ZCWPW2: variants seen among roughly 807,000 people sequenced by gnomAD.
The protein encoded by ZCWPW2 is zinc finger CW-type PWWP domain protein 2.
In ZCWPW2, 45 loss-of-function variants were observed where a neutral mutation model predicts 46.6. The ratio of observed to expected loss-of-function variants is 0.96; its 90% CI spans 0.76 to 1.24. ZCWPW2 has a LOEUF of 1.24. Ranked by LOEUF, ZCWPW2 falls within the 50% of genes most tolerant of loss-of-function variation. The pLI is 0.00. For missense variants in ZCWPW2, 429 were observed against 403.9 expected, an observed-to-expected ratio of 1.06 and a Z score of -0.53; for synonymous variants, 152 against 137.1, an observed-to-expected ratio of 1.11 and a Z score of -0.76.
At chr3:28,397,850 C>G (rs1431117693) in intron 2 of ZCWPW2, among the ~76,000 whole-genome samples, 4 of 152,130 alleles carry the variant, frequency 2.6e-5, no homozygotes, top group African/African-American at 9.7e-5. Context: ...TTTATTAGGA[C>G]TCTACAGGCC....
intron 9 of ZCWPW2, 146 bp from the exon 10 acceptor site, chr3:28,524,381 A>G: frequency 1.4e-6 from 1 of 725,192 alleles, no homozygotes. Flanking sequence ...CCTGCATTAT[A>G]CTATATATAG....
At chr3:28,471,882 G>C (rs1699051349) in intron 4 of ZCWPW2, among the ~76,000 whole-genome samples, 1 of 152,120 alleles carries the variant, frequency 6.6e-6, no homozygotes, top group Non-Finnish European at 1.5e-5. Context: ...CAGGAAAGTT[G>C]TAGGATACTA....
At chr3:28,474,818 TGTTG>T in intron 4 of ZCWPW2, among the ~76,000 whole-genome samples, 1 of 150,824 alleles carries the variant, frequency 6.6e-6, no homozygotes, top group Admixed American at 6.6e-5. Flanking sequence ...TTGTTGTTGT[TGTTG>T]TTGTTGTTGT....
intron 2 of ZCWPW2, among the ~76,000 whole-genome samples, chr3:28,396,671 A>C (rs934407050): frequency 3.9e-5 from 6 of 152,240 alleles, no homozygotes; most frequent in Non-Finnish European, 8.8e-5. Flanking sequence ...AAAAATGGAT[A>C]TATATCTTCC....
intron 8 of ZCWPW2, among the ~76,000 whole-genome samples, chr3:28,519,363 T>C (rs1700659539): frequency 6.6e-6 from 1 of 152,202 alleles, no homozygotes; most frequent in South Asian, 2.1e-4. Flanking sequence ...CAGTAAATAT[T>C]TGTTGATTGA....
intron 4 of ZCWPW2, among the ~76,000 whole-genome samples, chr3:28,441,663 CA>C (rs919600981): frequency 6.6e-6 from 1 of 152,116 alleles, no homozygotes; most frequent in African/African-American, 2.4e-5. Context: ...GCCACTTCCC[CA>C]TGTACCTTAC....
chr3:28,361,028 T>G (rs2125693405), intron 1 of ZCWPW2, among the ~76,000 whole-genome samples: 1 of 152,320 alleles, frequency 6.6e-6, no homozygotes, highest in South Asian at 2.1e-4. Context: ...CATAAATAAA[T>G]TTTGTGTTTA....
chr3:28,421,526 C>A (rs745660108), intron 3 of ZCWPW2, among the ~76,000 whole-genome samples: 31 of 152,048 alleles, frequency 2.0e-4, no homozygotes, highest in Non-Finnish European at 2.2e-4. Context: ...CTCCCCCTAT[C>A]CTGGTCCTTT....
chr3:28,487,397 G>A (rs766340100), intron 5 of ZCWPW2, among the ~76,000 whole-genome samples: 7 of 152,022 alleles, frequency 4.6e-5, no homozygotes, highest in Non-Finnish European at 8.8e-5. Context: ...CTACTGATGA[G>A]CGCATAAAAC....
chr3:28,448,556 G>T (rs956037184), intron 4 of ZCWPW2, among the ~76,000 whole-genome samples: 1 of 151,838 alleles, frequency 6.6e-6, no homozygotes, highest in African/African-American at 2.4e-5. Context: ...AGGCTGAGGA[G>T]GATGTAACAC....
intron 5 of ZCWPW2, among the ~76,000 whole-genome samples, chr3:28,491,179 T>C (rs1287896294): frequency 6.6e-6 from 1 of 152,088 alleles, no homozygotes; most frequent in Non-Finnish European, 1.5e-5. Context: ...CCTAACCTTA[T>C]ACATTCATTA....
chr3:28,498,418 C>A (rs1244048670), intron 6 of ZCWPW2, among the ~76,000 whole-genome samples: 6 of 151,854 alleles, frequency 4.0e-5, no homozygotes, highest in African/African-American at 1.5e-4. Context: ...AATCAGATCT[C>A]TCTAAATTGG....
At chr3:28,501,494 C>A (rs1310245106) in intron 6 of ZCWPW2, among the ~76,000 whole-genome samples, 3 of 152,080 alleles carry the variant, frequency 2.0e-5, no homozygotes, top group Non-Finnish European at 2.9e-5. Context: ...ACAACGACGA[C>A]CTCCTATAAA....
chr3:28,399,478 G>T (rs762744462), intron 2 of ZCWPW2, among the ~76,000 whole-genome samples: 1 of 152,142 alleles, frequency 6.6e-6, no homozygotes, highest in Non-Finnish European at 1.5e-5. Context: ...AGGCCAACCA[G>T]CACAAAAGTA....
chr3:28,511,123 A>C (rs1399794594), intron 6 of ZCWPW2: 1 of 451,496 alleles, frequency 2.2e-6, no homozygotes, highest in East Asian at 7.0e-5. Context: ...AGAAGAGGGG[A>C]AGAGGTAAAT....
In ZCWPW2 at chr3:28,396,703, C is replaced by T. The variant is rs143741957; in HGVS notation, c.-14+6086C>T. Among the ~76,000 whole-genome samples, 391 of 152,242 alleles carry T rather than the reference C, an allele frequency of 2.6e-3. 1 individual carries two copies. Among genetic ancestry groups the T allele is most frequent in the African/African-American group, 8.5e-3 (353 of 41,550 alleles). The stretch of plus-strand genomic sequence containing the variant: ...TTCCTATAACCAAAGTATTGTAGAG[C>T]GAAAGTATGACAACTTTGGAAGAAC... On this transcript the variant is annotated intron_variant, in intron 2 of 9. Coordinates refer to ENST00000383768, the MANE Select transcript of ZCWPW2 (RefSeq NM_001040432.4).
intron 4 of ZCWPW2, among the ~76,000 whole-genome samples, chr3:28,435,479 TTCTG>T (rs975634665): frequency 6.6e-6 from 1 of 151,492 alleles, no homozygotes; most frequent in African/African-American, 2.4e-5. Flanking sequence ...TTATTTTTCT[TTCTG>T]TCTTTTTTTT....
intron 4 of ZCWPW2, among the ~76,000 whole-genome samples, chr3:28,464,807 G>T (rs766208782): frequency 2.6e-5 from 4 of 152,024 alleles, no homozygotes; most frequent in Admixed American, 1.3e-4. Context: ...TTTAATATTG[G>T]GGGGAGTAAA....
Position 28,514,087 on chromosome 3 carries a change from T to G in ZCWPW2, c.681T>G (p.Ile227Met), listed in dbSNP as rs2125833513. 6.6e-7 allele frequency: 1 copy of G among 1,510,096 alleles called. No homozygotes were observed. Among genetic ancestry groups the G allele is most frequent in the Non-Finnish European group, 9.1e-7 (1 of 1,102,918 alleles). 93.5% of individuals were successfully genotyped at this position (1,510,096 alleles called of 1,614,324 possible). A position where few individuals can be genotyped will look rare whatever the true frequency, so the allele number is the denominator to read the frequency against. The change falls in exon 7 of 10, where the codon ATT (isoleucine) becomes ATG (methionine). Residue 227 changes from isoleucine (I) to methionine (M), a missense_variant. Transcript: ENST00000383768. ...KKRKQTSKNNIEKKKPKFRKR... is the reference protein window; with the variant it reads ...KKRKQTSKNNMEKKKPKFRKR... ...AGAAGCAGACTTCTAAAAATAATAT[T>G]GAAAAGAAGAAGCCCAAATTTAGAA...
Sources: gnomAD v4.1 joint callset for allele counts (sites outside exome capture counted in the v4.1 genomes callset) on GRCh38, gnomAD v4.1.1 for gene constraint, MANE v1.5 for transcripts, NCBI Gene and HGNC (gene_info 2026-07-23, HGNC 2026-07-21) for gene names.